Variants in ELOVL6 observed in about 807,000 individuals in gnomAD.
ELOVL6 encodes very long chain fatty acid elongase 6.
Under a neutral mutation model 31.7 loss-of-function variants are expected in ELOVL6, and 8 were observed. That is an observed-to-expected ratio of 0.25 (90% CI 0.15 to 0.45). The LOEUF (loss-of-function observed/expected upper bound fraction) is 0.45, where lower values mean the gene tolerates loss of function less well. Among genes scored for constraint, ELOVL6 ranks in the 20% least tolerant of loss-of-function variants. The pLI is 1.00. For missense variants in ELOVL6, 126 were observed against 326.4 expected, an observed-to-expected ratio of 0.39 and a Z score of 4.73; for synonymous variants, 101 against 117.7, an observed-to-expected ratio of 0.86 and a Z score of 0.92.
In ELOVL6 at chr4:110,051,872, G is replaced by C. The variant is rs377049930; in HGVS notation, c.374-110C>G. On this transcript the variant is annotated intron_variant, in intron 3 of 3. Coordinates refer to ENST00000302274, the MANE Select transcript of ELOVL6 (RefSeq NM_024090.3). The surrounding 1 kb of genome is among the most constrained non-coding windows in gnomAD (Gnocchi z 4.8). ...TGAGCTAGGACTGGAGAGTTACATA[G>C]ACTGGATTAGAACCCTGAACTGGTA... The C allele has an allele frequency of 6.6e-5, 57 of 864,352 alleles. No homozygotes were observed. The highest frequency in any genetic ancestry group is 1.9e-4 in the South Asian group (11 of 58,374). The allele number at this position is 864,352 out of a possible 1,614,324, so 53.5% of individuals were successfully genotyped here.
upstream of ELOVL6, chr4:110,198,985 C>T (rs1759909955): frequency 6.6e-6 from 1 of 152,288 alleles, no homozygotes; most frequent in African/African-American, 2.4e-5. Flanking sequence ...GGCAAATCTA[C>T]GTTGAGATCA....
chr4:110,130,971 C>T (rs963066507), intron 1 of ELOVL6, among the ~76,000 whole-genome samples: 19 of 152,210 alleles, frequency 1.2e-4, no homozygotes, highest in African/African-American at 3.9e-4. Flanking sequence ...AGATACTTCA[C>T]TCTAACTCCC....
chr4:110,172,480 T>A (rs1758977074), intron 1 of ELOVL6, among the ~76,000 whole-genome samples: 1 of 152,132 alleles, frequency 6.6e-6, no homozygotes, highest in South Asian at 2.1e-4. Flanking sequence ...CCCAGCAACT[T>A]TATAAAGCAT....
intron 2 of ELOVL6, among the ~76,000 whole-genome samples, chr4:110,078,135 G>A (rs1212398426): frequency 6.6e-6 from 1 of 152,188 alleles, no homozygotes; most frequent in Non-Finnish European, 1.5e-5. Context: ...AAAGTGACAG[G>A]GAGAATGGAA....
At chr4:110,085,189 G>A (rs1466298757) in intron 2 of ELOVL6, among the ~76,000 whole-genome samples, 1 of 152,162 alleles carries the variant, frequency 6.6e-6, no homozygotes, top group Non-Finnish European at 1.5e-5. Flanking sequence ...GATGTGGGGA[G>A]GGGAAATCAT....
chr4:110,136,512 T>C (rs1472014693), intron 1 of ELOVL6, among the ~76,000 whole-genome samples: 2 of 152,178 alleles, frequency 1.3e-5, no homozygotes, highest in Non-Finnish European at 2.9e-5. Context: ...TTAGGAGCAA[T>C]CAGCACTTCC....
At chr4:110,114,049 G>A (rs13119824) in intron 1 of ELOVL6, among the ~76,000 whole-genome samples, 1,963 of 152,160 alleles carry the variant, frequency 0.013, 15 homozygotes, top group Non-Finnish European at 0.018. Context: ...TCGAGACATC[G>A]AATCCAGCCT....
intron 2 of ELOVL6, among the ~76,000 whole-genome samples, chr4:110,104,665 C>T (rs538642852): frequency 6.6e-6 from 1 of 152,304 alleles, no homozygotes; most frequent in East Asian, 1.9e-4. Flanking sequence ...CGCTCCCGTT[C>T]CTCCCCAAGC....
intron 1 of ELOVL6, among the ~76,000 whole-genome samples, chr4:110,110,304 C>T (rs976686057): frequency 3.3e-5 from 5 of 151,562 alleles, no homozygotes; most frequent in African/African-American, 1.2e-4. Flanking sequence ...TTCTTGAAGT[C>T]CTATCCAGGG....
intron 1 of ELOVL6, among the ~76,000 whole-genome samples, chr4:110,107,470 A>C (rs140748842): frequency 6.6e-6 from 1 of 152,348 alleles, no homozygotes; most frequent in African/African-American, 2.4e-5. Context: ...ATTAATAACT[A>C]AAGAGTCAAA....
intron 1 of ELOVL6, among the ~76,000 whole-genome samples, chr4:110,106,019 C>A (rs900297932): frequency 2.0e-5 from 3 of 152,126 alleles, no homozygotes; most frequent in Non-Finnish European, 4.4e-5. Context: ...TTTATTGGAA[C>A]TATTTGGTGA....
At chr4:110,193,715 C>G (rs1327240226) in intron 1 of ELOVL6, among the ~76,000 whole-genome samples, 2 of 152,154 alleles carry the variant, frequency 1.3e-5, no homozygotes, top group Admixed American at 6.6e-5. Context: ...TCTTAAAATT[C>G]CTATACTATC....
intron 2 of ELOVL6, among the ~76,000 whole-genome samples, chr4:110,091,092 G>A (rs1230686404): frequency 6.6e-6 from 1 of 152,214 alleles, no homozygotes; most frequent in Non-Finnish European, 1.5e-5. Flanking sequence ...ACATGAGGCA[G>A]AAGATGTTTG....
In ELOVL6 at chr4:110,046,196, T is replaced by TTGGGAAAG. The variant is rs1754694754; in HGVS notation, c.*5134_*5141dup. ...ATAAAGTCTCAAGTGCTACTAAGCATTGGGAAAGTAACAGCATTTAAATAC... is the reference window on the plus strand; with the variant it reads ...ATAAAGTCTCAAGTGCTACTAAGCATTGGGAAAGTGGGAAAGTAACAGCATTTAAATAC... On this transcript the variant is annotated 3_prime_UTR_variant, in exon 4 of 4. Coordinates refer to ENST00000302274, the MANE Select transcript of ELOVL6 (RefSeq NM_024090.3). The TTGGGAAAG allele has an allele frequency of 2.0e-5, 3 of 152,190 alleles. No homozygotes were observed. The highest frequency in any genetic ancestry group is 2.0e-4 in the Admixed American group (3 of 15,276). The allele number at this position is 152,190 out of a possible 1,614,324, so 9.4% of individuals were successfully genotyped here.
intron 1 of ELOVL6, among the ~76,000 whole-genome samples, chr4:110,164,190 G>C (rs995269820): frequency 1.2e-4 from 19 of 152,080 alleles, no homozygotes; most frequent in African/African-American, 4.3e-4. Flanking sequence ...ACTTAGAAAT[G>C]GGGGCCTAGG....
intron 1 of ELOVL6, among the ~76,000 whole-genome samples, chr4:110,186,822 AAT>A (rs1284269627): frequency 0.02 from 1,190 of 59,434 alleles, 16 homozygotes; most frequent in South Asian, 0.072. Flanking sequence ...AAAAAAAAAA[AAT>A]ATATATATAT....
intron 2 of ELOVL6, among the ~76,000 whole-genome samples, chr4:110,094,445 T>A (rs2106996): frequency 0.28 from 13,077 of 46,940 alleles, 1,522 homozygotes; most frequent in Middle Eastern, 0.43. Flanking sequence ...ATATATATAA[T>A]ATATATAACA....
At chr4:110,084,095 T>TATATGCTATATATGATATATATAAC (rs1313758644) in intron 2 of ELOVL6, among the ~76,000 whole-genome samples, 5 of 82,256 alleles carry the variant, frequency 6.1e-5, no homozygotes, top group African/African-American at 2.1e-4. Context: ...ATATATAACA[T>TATATGCTATATATGATATATATAAC]ATATATGATA....
intron 1 of ELOVL6, among the ~76,000 whole-genome samples, chr4:110,189,625 G>T: frequency 6.8e-6 from 1 of 146,596 alleles, no homozygotes. Context: ...GAGAGAGAGA[G>T]AGAGAAAAGA....
Sources: allele counts gnomAD v4.1 joint callset (sites outside exome capture counted in the v4.1 genomes callset), GRCh38; gene constraint gnomAD v4.1.1; non-coding constraint Gnocchi (gnomAD v3.1); transcripts MANE v1.5; gene names NCBI Gene and HGNC (gene_info 2026-07-23, HGNC 2026-07-21).